The following LINGO2 variants were observed in gnomAD, a reference collection of about 807,000 sequenced individuals.
LINGO2 encodes leucine-rich repeat and immunoglobulin-like domain-containing nogo receptor-interacting protein 2.
A neutral mutation model predicts 30.6 loss-of-function variants in LINGO2; 14 were observed. That is an observed-to-expected ratio of 0.46 (90% CI 0.30 to 0.72). The LOEUF (loss-of-function observed/expected upper bound fraction) is 0.72, where lower values mean the gene tolerates loss of function less well. LINGO2 is among the 30% of genes least tolerant of loss of function. The pLI, the probability that LINGO2 is intolerant of heterozygous loss-of-function variation, is 0.07. For synonymous variants in LINGO2, 317 were observed against 288.5 expected (o/e 1.10, Z -1.00); for missense variants, 729 against 751.7 (o/e 0.97, Z 0.35).
At chr9:28,046,523 G>C (rs918200749) in intron 4 of LINGO2, among the ~76,000 whole-genome samples, 1 of 151,944 alleles carries the variant, frequency 6.6e-6, no homozygotes, top group African/African-American at 2.4e-5. Flanking sequence ...GAATACTTTT[G>C]TAACTTTTTC....
At chr9:28,254,594 C>T (rs1363462081) in intron 4 of LINGO2, among the ~76,000 whole-genome samples, 2 of 152,026 alleles carry the variant, frequency 1.3e-5, no homozygotes, top group African/African-American at 4.8e-5. Flanking sequence ...CTTTAAATCC[C>T]ATGAGAAGGT....
chr9:28,221,675 A>G (rs1456585808), intron 4 of LINGO2, among the ~76,000 whole-genome samples: 2 of 152,160 alleles, frequency 1.3e-5, no homozygotes, highest in Non-Finnish European at 2.9e-5. Flanking sequence ...ACAAACGACA[A>G]AACTAAGATA....
chr9:29,184,273 A>C, the LINGO2 span, among the ~76,000 whole-genome samples: 42 of 152,248 alleles, frequency 2.8e-4, no homozygotes, highest in African/African-American at 9.6e-4. Flanking sequence ...ACTGTTCATC[A>C]TAAAGAAAGA....
At chr9:28,847,673 A>G in the LINGO2 span, among the ~76,000 whole-genome samples, 2 of 142,676 alleles carry the variant, frequency 1.4e-5, 1 homozygote, top group Non-Finnish European at 3.0e-5. Context: ...TCAACTTCAA[A>G]TCTAGCAACT....
chr9:28,681,537 A>C, the LINGO2 span, among the ~76,000 whole-genome samples: 1 of 152,074 alleles, frequency 6.6e-6, no homozygotes, highest in Non-Finnish European at 1.5e-5. Flanking sequence ...AACACACAAA[A>C]AAGAAGTAGT....
intron 2 of LINGO2, among the ~76,000 whole-genome samples, chr9:28,439,087 C>G (rs1289268694): frequency 6.9e-6 from 1 of 145,644 alleles, no homozygotes; most frequent in Non-Finnish European, 1.5e-5. Flanking sequence ...TAGATAATAG[C>G]TATACATTAT....
chr9:28,221,839 T>C (rs1162669695), intron 4 of LINGO2, among the ~76,000 whole-genome samples: 1 of 152,236 alleles, frequency 6.6e-6, no homozygotes, highest in Non-Finnish European at 1.5e-5. Context: ...AGATATATAC[T>C]TGCTTCTTTC....
chr9:28,160,197 C>A (rs1222244007), intron 4 of LINGO2, among the ~76,000 whole-genome samples: 1 of 152,090 alleles, frequency 6.6e-6, no homozygotes, highest in Non-Finnish European at 1.5e-5. Context: ...TTGAACTAAG[C>A]AGGTCAGTGA....
At chr9:28,939,961 T>G in the LINGO2 span, among the ~76,000 whole-genome samples, 5 of 152,200 alleles carry the variant, frequency 3.3e-5, no homozygotes, top group Non-Finnish European at 7.3e-5. Context: ...TGTGGCTGTT[T>G]AATTTGTCAA....
At chr9:28,155,543 T>C (rs969176292) in intron 4 of LINGO2, among the ~76,000 whole-genome samples, 4 of 152,138 alleles carry the variant, frequency 2.6e-5, no homozygotes, top group Non-Finnish European at 5.9e-5. Flanking sequence ...CCAAGATACG[T>C]TTGTGGAAAT....
chr9:28,927,515 A>G, the LINGO2 span, among the ~76,000 whole-genome samples: 1 of 152,212 alleles, frequency 6.6e-6, no homozygotes, highest in South Asian at 2.1e-4. Flanking sequence ...ATGATTTAGT[A>G]TACTGGAGAG....
At chr9:28,863,749 T>A in the LINGO2 span, 2 of 439,842 alleles carry the variant, frequency 4.5e-6, no homozygotes, top group East Asian at 1.2e-4. Flanking sequence ...ACAAAAACAG[T>A]ACCCTTTGGC....
At chr9:28,648,123 C>T (rs186675203) in intron 1 of LINGO2, among the ~76,000 whole-genome samples, 1 of 152,034 alleles carries the variant, frequency 6.6e-6, no homozygotes, top group Admixed American at 6.6e-5. Flanking sequence ...TGTAGAATGA[C>T]AGTAACTTGT....
At chr9:28,222,815 G>A (rs1330593483) in intron 4 of LINGO2, among the ~76,000 whole-genome samples, 1 of 152,124 alleles carries the variant, frequency 6.6e-6, no homozygotes, top group Admixed American at 6.5e-5. Flanking sequence ...GCCACAGTAA[G>A]TTTCCAAAAT....
chr9:27,952,846 A>G (rs1819383570), intron 5 of LINGO2, among the ~76,000 whole-genome samples: 1 of 152,128 alleles, frequency 6.6e-6, no homozygotes, highest in Non-Finnish European at 1.5e-5. Context: ...TTCTGTGAAT[A>G]AAGTTAGAAA....
chr9:28,192,089 C>G (rs942844235), intron 4 of LINGO2, among the ~76,000 whole-genome samples: 3 of 151,974 alleles, frequency 2.0e-5, no homozygotes, highest in Non-Finnish European at 2.9e-5. Context: ...TTAATATAGA[C>G]AAACCTAAAC....
rs1285719893 is a variant in LINGO2 at position 28,234,844 on chromosome 9, C to A, written c.-87+60364G>T. Among the ~76,000 whole-genome samples, 3 of 149,294 alleles carry A rather than the reference C, an allele frequency of 2.0e-5. No homozygotes were observed. In the East Asian group the frequency reaches 5.8e-4, roughly 29 times the overall value. The stretch of plus-strand genomic sequence containing the variant: ...CAACTTGTGATCGTGTGAGTCAATA[C>A]TCAATAAACTCCCCTTTATATATAC... On this transcript the variant is annotated intron_variant, in intron 4 of 5. Coordinates refer to ENST00000379992, the Ensembl canonical transcript of LINGO2.
the LINGO2 span, among the ~76,000 whole-genome samples, chr9:29,101,038 A>G: frequency 6.6e-6 from 1 of 152,200 alleles, no homozygotes; most frequent in Non-Finnish European, 1.5e-5. Flanking sequence ...TTATTTCCCC[A>G]GAGTTTTTAC....
the LINGO2 span, among the ~76,000 whole-genome samples, chr9:29,157,490 A>C: frequency 6.6e-6 from 1 of 152,192 alleles, no homozygotes; most frequent in Admixed American, 6.5e-5. Context: ...AGTCAAGAGT[A>C]AACTGAAGAC....
Sources: allele counts gnomAD v4.1 joint callset (sites outside exome capture counted in the v4.1 genomes callset), GRCh38; gene constraint gnomAD v4.1.1; transcripts MANE v1.5; gene names NCBI Gene and HGNC (gene_info 2026-07-23, HGNC 2026-07-21).